WWOX: variants seen among roughly 807,000 people sequenced by gnomAD.
WWOX encodes WW domain-containing oxidoreductase.
In WWOX, 69 loss-of-function variants were observed where a neutral mutation model predicts 46.2. That is an observed-to-expected ratio of 1.49 (90% CI 1.23 to 1.82). WWOX has a LOEUF of 1.82. Among genes scored for constraint, WWOX ranks in the 40% most tolerant of loss-of-function variants. The probability of loss-of-function intolerance (pLI) is 0.00; values close to 1 mark genes in which losing one functional copy is unlikely to be tolerated. For synonymous variants in WWOX, 359 were observed against 202.6 expected, an observed-to-expected ratio of 1.77 and a Z score of -6.56; for missense variants, 919 against 542.6, an observed-to-expected ratio of 1.69 and a Z score of -6.89.
At chr16:78,235,648 G>A (rs1451395152) in intron 5 of WWOX, among the ~76,000 whole-genome samples, 2 of 152,168 alleles carry the variant, frequency 1.3e-5, no homozygotes, top group African/African-American at 4.8e-5. Flanking sequence ...CTCTCAAAAG[G>A]ATGCATGGGA....
In WWOX at chr16:78,882,032, A is replaced by C. The variant is rs150677010; in HGVS notation, c.1057-329576A>C. Among the ~76,000 whole-genome samples, 1,094 of 152,252 alleles carry C rather than the reference A, an allele frequency of 7.2e-3. 10 individuals are homozygous for C. Among genetic ancestry groups the C allele is most frequent in the African/African-American group, 0.025 (1,028 of 41,562 alleles). On this transcript the variant is annotated intron_variant, in intron 8 of 8. Transcript: ENST00000566780. Reference sequence around the variant, plus strand: ...TCCCAGCTACTCTGAAGGCTGAGGCAGGATAATTGCTTGAGCCCGGGAGAC... The same window carrying C: ...TCCCAGCTACTCTGAAGGCTGAGGCCGGATAATTGCTTGAGCCCGGGAGAC...
At chr16:78,562,274 C>T (rs543798571) in intron 8 of WWOX, among the ~76,000 whole-genome samples, 1 of 152,210 alleles carries the variant, frequency 6.6e-6, no homozygotes, top group Non-Finnish European at 1.5e-5. Flanking sequence ...ACACTGCATG[C>T]AGAATTCCTA....
chr16:78,502,298 T>A (rs1025100841), intron 8 of WWOX, among the ~76,000 whole-genome samples: 3 of 152,208 alleles, frequency 2.0e-5, no homozygotes, highest in African/African-American at 7.2e-5. Context: ...TAGAACATTT[T>A]CATTAACCCA....
At chr16:78,701,935 A>G (rs140252554) in intron 8 of WWOX, among the ~76,000 whole-genome samples, 11 of 148,438 alleles carry the variant, frequency 7.4e-5, no homozygotes, top group African/African-American at 2.8e-4. Flanking sequence ...CTGTAATCCC[A>G]GAACACTGGG....
chr16:78,544,359 T>C (rs1171309487), intron 8 of WWOX, among the ~76,000 whole-genome samples: 1 of 152,176 alleles, frequency 6.6e-6, no homozygotes, highest in Non-Finnish European at 1.5e-5. Flanking sequence ...TTCTGAACAT[T>C]TTGCATTCTT....
intron 8 of WWOX, among the ~76,000 whole-genome samples, chr16:79,082,114 G>GA (rs1390337686): frequency 2.0e-5 from 3 of 152,170 alleles, no homozygotes; most frequent in African/African-American, 7.2e-5. Context: ...CTTGAGCCTA[G>GA]AACCTCTTCA....
chr16:78,687,262 T>A (rs1182170392), intron 8 of WWOX, among the ~76,000 whole-genome samples: 2 of 152,214 alleles, frequency 1.3e-5, no homozygotes, highest in Non-Finnish European at 2.9e-5. Flanking sequence ...GAACCCAATA[T>A]GTTCTTAACA....
chr16:78,351,621 T>C (rs1375277433), intron 5 of WWOX, among the ~76,000 whole-genome samples: 1 of 152,150 alleles, frequency 6.6e-6, no homozygotes, highest in Non-Finnish European at 1.5e-5. Flanking sequence ...ATATTGCACA[T>C]AGCTCCTGAA....
chr16:78,778,626 G>C (rs1018092185), intron 8 of WWOX, among the ~76,000 whole-genome samples: 4 of 152,124 alleles, frequency 2.6e-5, no homozygotes, highest in African/African-American at 9.7e-5. Context: ...TTATCTTACA[G>C]CTTCTCTGCT....
chr16:78,608,332 T>C (rs1420961141), intron 8 of WWOX, among the ~76,000 whole-genome samples: 1 of 152,228 alleles, frequency 6.6e-6, no homozygotes, highest in African/African-American at 2.4e-5. Context: ...CCTGTTTTGC[T>C]TTCTTTCAAA....
chr16:79,100,208 A>G (rs1316081629), intron 8 of WWOX, among the ~76,000 whole-genome samples: 1 of 152,204 alleles, frequency 6.6e-6, no homozygotes. Context: ...GGCAAACAAA[A>G]TGGACCATCC....
intron 8 of WWOX, among the ~76,000 whole-genome samples, chr16:78,671,879 G>A (rs2047473435): frequency 6.6e-6 from 1 of 152,136 alleles, no homozygotes; most frequent in Non-Finnish European, 1.5e-5. Flanking sequence ...CTTAAAAAGT[G>A]GTGAGGTAGA....
chr16:78,215,222 C>T (rs1361483363), intron 5 of WWOX, among the ~76,000 whole-genome samples: 1 of 152,178 alleles, frequency 6.6e-6, no homozygotes. Context: ...GTGTTGTGCT[C>T]ACGTGGTGTT....
Position 78,914,833 on chromosome 16 carries a change from C to T in WWOX, c.1057-296775C>T, listed in dbSNP as rs190461203. On this transcript the variant is annotated intron_variant, in intron 8 of 8. Coordinates refer to ENST00000566780, the MANE Select transcript of WWOX (RefSeq NM_016373.4). ...GGCGGAGCTTGCAGTGAGCCAGGATCGCGCCACTGCACTCCCGCCCGGGTG... is the reference window on the plus strand; with the variant it reads ...GGCGGAGCTTGCAGTGAGCCAGGATTGCGCCACTGCACTCCCGCCCGGGTG... Among the ~76,000 whole-genome samples the T allele has an allele frequency of 3.2e-3, 466 of 144,650 alleles. 3 individuals carry two copies. The highest frequency in any genetic ancestry group is 0.011 in the African/African-American group (434 of 38,778). The allele number at this position is 144,650 out of a possible 152,430, so 94.9% of individuals were successfully genotyped here.
chr16:79,144,469 T>G (rs961109979), intron 8 of WWOX, among the ~76,000 whole-genome samples: 1 of 152,220 alleles, frequency 6.6e-6, no homozygotes, highest in Non-Finnish European at 1.5e-5. Flanking sequence ...GGGATAATAA[T>G]GTCCATGAAA....
At chr16:78,725,945 C>T (rs1030094599) in intron 8 of WWOX, among the ~76,000 whole-genome samples, 9 of 151,544 alleles carry the variant, frequency 5.9e-5, no homozygotes, top group African/African-American at 1.9e-4. Context: ...TTTCTTTCCT[C>T]TTCCCTTTTC....
intron 5 of WWOX, among the ~76,000 whole-genome samples, chr16:78,300,023 C>G (rs1231087413): frequency 6.6e-6 from 1 of 152,152 alleles, no homozygotes; most frequent in Non-Finnish European, 1.5e-5. Context: ...ACAAGGGAAT[C>G]TTTGAGAAAT....
chr16:78,810,087 G>A (rs3946180), intron 8 of WWOX, among the ~76,000 whole-genome samples: 17,045 of 152,220 alleles, frequency 0.11, 1,190 homozygotes, highest in Non-Finnish European at 0.16. Context: ...GAAATTTCCA[G>A]ACCTAAACCA....
chr16:78,255,317 G>A (rs1240725886), intron 5 of WWOX, among the ~76,000 whole-genome samples: 2 of 152,094 alleles, frequency 1.3e-5, no homozygotes, highest in African/African-American at 4.8e-5. Flanking sequence ...CTACCTTTTA[G>A]AAGCAGGAAA....
Sources: allele counts gnomAD v4.1 joint callset (sites outside exome capture counted in the v4.1 genomes callset), GRCh38; gene constraint gnomAD v4.1.1; transcripts MANE v1.5; gene names NCBI Gene and HGNC (gene_info 2026-07-23, HGNC 2026-07-21).